The following MAGI1 variants were observed in gnomAD, a reference collection of about 807,000 sequenced individuals.
MAGI1 encodes membrane associated guanylate kinase, WW and PDZ domain containing 1.
In MAGI1, 58 loss-of-function variants were observed where a neutral mutation model predicts 139.9. That is an observed-to-expected ratio of 0.41 (90% CI 0.34 to 0.52). MAGI1 has a LOEUF of 0.52. Ranked by LOEUF, MAGI1 falls within the 20% of genes least tolerant of loss-of-function variation. MAGI1 has a pLI of 0.12. For missense variants in MAGI1, 1,874 were observed against 1,901.6 expected (o/e 0.99, Z 0.27); for synonymous variants, 812 against 737.9 (o/e 1.10, Z -1.63).
chr3:65,571,244 C>T (rs1273189407), intron 2 of MAGI1, among the ~76,000 whole-genome samples: 2 of 152,076 alleles, frequency 1.3e-5, no homozygotes, highest in Non-Finnish European at 2.9e-5. Flanking sequence ...TCCCTTTACT[C>T]AACTGTATAC....
chr3:65,469,072 C>T (rs1950384994), intron 5 of MAGI1, among the ~76,000 whole-genome samples: 1 of 152,054 alleles, frequency 6.6e-6, no homozygotes, highest in African/African-American at 2.4e-5. Flanking sequence ...AAGTTATTTA[C>T]TTAACTCAAA....
At chr3:65,452,279 T>C (rs1484216642) in intron 6 of MAGI1, among the ~76,000 whole-genome samples, 1 of 152,176 alleles carries the variant, frequency 6.6e-6, no homozygotes, top group Non-Finnish European at 1.5e-5. Context: ...AGAAGGATCA[T>C]GGAGTGCAAG....
chr3:65,867,622 T>C (rs4340728), intron 1 of MAGI1, among the ~76,000 whole-genome samples: 65,320 of 151,902 alleles, frequency 0.43, 15,177 homozygotes, highest in African/African-American at 0.6. Flanking sequence ...AAAGTCCCAG[T>C]TACTGTGGGG....
chr3:65,773,916 A>C (rs1017002085), intron 1 of MAGI1, among the ~76,000 whole-genome samples: 6 of 152,154 alleles, frequency 3.9e-5, no homozygotes, highest in South Asian at 4.1e-4. Flanking sequence ...TTGCTGAACA[A>C]GGTACAAATT....
At chr3:65,874,799 G>A (rs1386389004) in intron 1 of MAGI1, 1 of 152,410 alleles carries the variant, frequency 6.6e-6, no homozygotes, top group Non-Finnish European at 1.5e-5. Context: ...ACAAAAACCT[G>A]TACATGAATA....
chr3:65,665,763 T>A (rs1054266571), intron 1 of MAGI1, among the ~76,000 whole-genome samples: 1 of 152,110 alleles, frequency 6.6e-6, no homozygotes. Context: ...CCCTCAAAGT[T>A]CCTAAATTTC....
intron 6 of MAGI1, among the ~76,000 whole-genome samples, chr3:65,450,445 T>C (rs901053857): frequency 1.3e-5 from 2 of 152,016 alleles, no homozygotes; most frequent in African/African-American, 2.4e-5. Context: ...GGGTTAGAAA[T>C]AGGTGTGAAG....
chr3:65,395,784 G>A (rs899084648), intron 13 of MAGI1, among the ~76,000 whole-genome samples: 2 of 151,914 alleles, frequency 1.3e-5, no homozygotes, highest in African/African-American at 4.8e-5. Context: ...AGGAGTTTGG[G>A]TTTCATTCTT....
At chr3:65,463,504 CA>C (rs1476354037) in intron 5 of MAGI1, among the ~76,000 whole-genome samples, 1 of 150,844 alleles carries the variant, frequency 6.6e-6, no homozygotes, top group Non-Finnish European at 1.5e-5. Context: ...TTCGGTTTGC[CA>C]GTATTTTATT....
intron 1 of MAGI1, among the ~76,000 whole-genome samples, chr3:65,942,389 C>A (rs1304644847): frequency 1.3e-5 from 2 of 152,118 alleles, no homozygotes; most frequent in Non-Finnish European, 2.9e-5. Flanking sequence ...TGGAGAACTA[C>A]TATCTTTTAG....
chr3:65,986,343 C>T (rs980934305), intron 1 of MAGI1, among the ~76,000 whole-genome samples: 2 of 152,192 alleles, frequency 1.3e-5, no homozygotes, highest in African/African-American at 4.8e-5. Flanking sequence ...TATAAATACC[C>T]TTACAACCTA....
intron 1 of MAGI1, among the ~76,000 whole-genome samples, chr3:65,670,664 T>C (rs1195636181): frequency 6.6e-6 from 1 of 152,172 alleles, no homozygotes; most frequent in African/African-American, 2.4e-5. Context: ...TGTTTCTTTC[T>C]CTGGGATCAT....
At chr3:65,708,845 G>T (rs1341331727) in intron 1 of MAGI1, among the ~76,000 whole-genome samples, 4 of 152,042 alleles carry the variant, frequency 2.6e-5, no homozygotes, top group Non-Finnish European at 5.9e-5. Context: ...CAAATTCCAG[G>T]ATACCTGGGT....
intron 1 of MAGI1, among the ~76,000 whole-genome samples, chr3:65,630,268 G>A (rs1004601832): frequency 6.6e-6 from 1 of 152,146 alleles, no homozygotes; most frequent in African/African-American, 2.4e-5. Flanking sequence ...TAGGAAGGAC[G>A]AACAGACATG....
intron 1 of MAGI1, among the ~76,000 whole-genome samples, chr3:65,635,984 C>A (rs1359620695): frequency 6.6e-6 from 1 of 152,126 alleles, no homozygotes; most frequent in Admixed American, 6.5e-5. Flanking sequence ...TTTGATGGGT[C>A]TGAAAAAAGT....
At chr3:65,414,453 G>C (rs1053038870) in intron 12 of MAGI1, among the ~76,000 whole-genome samples, 3 of 152,190 alleles carry the variant, frequency 2.0e-5, no homozygotes, top group African/African-American at 7.2e-5. Flanking sequence ...AGATCTAGGG[G>C]AAGCAATGAT....
intron 1 of MAGI1, among the ~76,000 whole-genome samples, chr3:65,663,293 T>A (rs180969151): frequency 9.9e-4 from 151 of 152,302 alleles, no homozygotes; most frequent in Non-Finnish European, 1.4e-3. Context: ...AGCAGAAACA[T>A]CACAGCATTG....
chr3:65,877,356 G>A (rs906069163), intron 1 of MAGI1, among the ~76,000 whole-genome samples: 10 of 152,122 alleles, frequency 6.6e-5, no homozygotes, highest in Admixed American at 1.3e-4. Context: ...ACATCTCAGG[G>A]CATGGACTTA....
At chr3:65,950,497 T>A (rs1431133047) in intron 1 of MAGI1, among the ~76,000 whole-genome samples, 1 of 152,082 alleles carries the variant, frequency 6.6e-6, no homozygotes, top group Non-Finnish European at 1.5e-5. Flanking sequence ...AAAACTAATT[T>A]AAAAGATTAA....
Sources: allele counts gnomAD v4.1 joint callset (sites outside exome capture counted in the v4.1 genomes callset), GRCh38; gene constraint gnomAD v4.1.1; transcripts MANE v1.5; gene names NCBI Gene and HGNC (gene_info 2026-07-23, HGNC 2026-07-21).